The following SLC16A4 variants were observed in gnomAD, a reference collection of about 807,000 sequenced individuals.
SLC16A4 encodes the protein solute carrier family 16 member 4.
A neutral mutation model predicts 47.9 loss-of-function variants in SLC16A4; 39 were observed. The ratio of observed to expected loss-of-function variants is 0.81; its 90% confidence interval spans 0.63 to 1.06. The LOEUF is 1.06. Among genes scored for constraint, SLC16A4 ranks in the 50% least tolerant of loss-of-function variants. The pLI, the probability that SLC16A4 is intolerant of heterozygous loss-of-function variation, is 0.00. For missense variants in SLC16A4, 524 were observed against 573.8 expected, an observed-to-expected ratio of 0.91 and a Z score of 0.89; for synonymous variants, 189 against 199.9, an observed-to-expected ratio of 0.95 and a Z score of 0.46.
At chr1:110,382,432 C>G (rs1242986647) in intron 3 of SLC16A4, among the ~76,000 whole-genome samples, 1 of 151,826 alleles carries the variant, frequency 6.6e-6, no homozygotes, top group Non-Finnish European at 1.5e-5. Context: ...GCACTCCAAC[C>G]TGGGCAACAG....
intron 8 of SLC16A4, among the ~76,000 whole-genome samples, chr1:110,365,614 C>CT (rs1557899767): frequency 6.6e-5 from 10 of 152,144 alleles, no homozygotes. Flanking sequence ...CTATAGATCT[C>CT]TAAGAAATAG....
At chr1:110,386,834 C>T (rs143249964) in intron 2 of SLC16A4, among the ~76,000 whole-genome samples, 31 of 152,322 alleles carry the variant, frequency 2.0e-4, no homozygotes, top group African/African-American at 7.5e-4. Flanking sequence ...TGCTACTCCA[C>T]TGAAAACTAA....
In SLC16A4 at chr1:110,382,841, A is replaced by G. The variant is rs769794233; in HGVS notation, c.213T>C (p.Phe71=). ...WIGSIMSSLR[F]CAGPLVAIIC... is the part of the protein sequence containing the mutation. ...TTATTGCCAGCTTTATACCTGCACA[A>G]AAACGAAGAGATGACATGATGGATC... The change falls in exon 3 of 9, where the codon TTT becomes TTC. Residue 71 remains phenylalanine, a synonymous_variant. Coordinates refer to ENST00000369779, the MANE Select transcript of SLC16A4 (RefSeq NM_004696.3). 62 of 1,602,498 alleles carry G rather than the reference A, an allele frequency of 3.9e-5. 1 individual carries two copies. Among genetic ancestry groups the G allele is most frequent in the Middle Eastern group, 1.7e-4 (1 of 6,048 alleles).
In SLC16A4 at chr1:110,378,939, T is replaced by C; in HGVS notation, c.944A>G (p.Tyr315Cys). The C allele has an allele frequency of 6.2e-7, 1 of 1,614,192 alleles. No homozygotes were observed. Among genetic ancestry groups the C allele is most frequent in the Non-Finnish European group, 8.5e-7 (1 of 1,180,024 alleles). ...TWSFLLSQLA[Y>C]FIPTFHLVAR... The stretch of plus-strand genomic sequence containing the variant: ...TACCAGGTGAAAGGTAGGGATGAAG[T>C]ATGCTAACTGACTGAGGAGAAAAGA... Residue 315 changes from tyrosine to cysteine, a missense_variant, in exon 6 of 9, where the codon TAC becomes TGC. Tyr to Cys is a radical substitution (Grantham distance 194). Coordinates refer to ENST00000369779, the MANE Select transcript of SLC16A4 (RefSeq NM_004696.3).
Position 110,382,822 on chromosome 1 carries a change from C to T in SLC16A4, c.220+12G>A. ...TTCTCCTTAGACAGCAAGCTTATTGCCAGCTTTATACCTGCACAAAAACGA... is the reference window on the plus strand; with the variant it reads ...TTCTCCTTAGACAGCAAGCTTATTGTCAGCTTTATACCTGCACAAAAACGA... On this transcript the variant is annotated intron_variant, in intron 3 of 8. Coordinates refer to ENST00000369779, the MANE Select transcript of SLC16A4 (RefSeq NM_004696.3). 1.3e-6 allele frequency: 2 copies of T among 1,560,098 alleles called. No homozygotes were observed. Among genetic ancestry groups the T allele is most frequent in the Non-Finnish European group, 1.7e-6 (2 of 1,147,016 alleles).
At chr1:110,371,536 C>G (rs1446740093) in intron 8 of SLC16A4, 1 of 152,106 alleles carries the variant, frequency 6.6e-6, no homozygotes, top group African/African-American at 2.4e-5. Flanking sequence ...TTGCTTTTTG[C>G]AGGTTTACTT....
At chr1:110,364,037 C>T in intron 8 of SLC16A4, 144 bp from the exon 9 acceptor site, 1 of 717,334 alleles carries the variant, frequency 1.4e-6, no homozygotes, top group Non-Finnish European at 2.1e-6. Context: ...CTATTTTTCA[C>T]TGATGAAGTT....
intron 3 of SLC16A4, 51 bp from the exon 4 acceptor site, chr1:110,381,846 C>G (rs755589946): frequency 3.9e-6 from 6 of 1,520,932 alleles, no homozygotes; most frequent in Non-Finnish European, 5.4e-6. Flanking sequence ...ATCTGGCATC[C>G]CTTATCCTCT....
chr1:110,389,214 G>A (rs1252362694), intron 2 of SLC16A4, 23 bp downstream of exon 2: 1 of 1,584,884 alleles, frequency 6.3e-7, no homozygotes, highest in East Asian at 2.2e-5. Context: ...CAATAGGAAA[G>A]GGGGAAAAAA....
intron 1 of SLC16A4, among the ~76,000 whole-genome samples, chr1:110,390,457 GAC>G (rs1481448467): frequency 6.6e-6 from 1 of 152,122 alleles, no homozygotes; most frequent in Non-Finnish European, 1.5e-5. Context: ...AGTTGTAAAA[GAC>G]AGTTTGTGGG....
Position 110,389,346 on chromosome 1 carries a change from C to T in SLC16A4, c.-23G>A, listed in dbSNP as rs1662906444. On this transcript the variant is annotated 5_prime_UTR_variant, in exon 2 of 9. Transcript: ENST00000369779. ...CATGATGCCTCTTCTATTTTAAATG[C>T]AGAAGATCCCTGTGATAAATCCAAG... 1 of 1,527,940 alleles carries T rather than the reference C, an allele frequency of 6.5e-7. No individual in the cohort carries two copies. Among genetic ancestry groups the T allele is most frequent in the Non-Finnish European group, 9.1e-7 (1 of 1,101,612 alleles). The allele number at this position is 1,527,940 out of a possible 1,614,324, so 94.6% of individuals were successfully genotyped here. A position where few individuals can be genotyped will look rare whatever the true frequency, so the allele number is the denominator to read the frequency against.
intron 2 of SLC16A4, among the ~76,000 whole-genome samples, chr1:110,386,960 G>A (rs1662768477): frequency 6.6e-6 from 1 of 152,182 alleles, no homozygotes. Context: ...TGACCTCTCA[G>A]TAGCATCTGC....
chr1:110,363,642 AAAT>A lies in SLC16A4; in HGVS notation c.*121_*123del. 3 of 1,043,100 alleles carry A rather than the reference AAAT, an allele frequency of 2.9e-6. No homozygotes were observed. Among genetic ancestry groups the A allele is most frequent in the East Asian group, 2.8e-5 (1 of 36,356 alleles). The allele number at this position is 1,043,100 out of a possible 1,614,324, so 64.6% of individuals were successfully genotyped here. The stretch of plus-strand genomic sequence containing the variant: ...CTCCGTCTCAAAAAAAAAAAAAAAA[AAAT>A]TGTTTTCCTTCTCATGTTACAAATG... On this transcript the variant is annotated 3_prime_UTR_variant, in exon 9 of 9. Coordinates refer to ENST00000369779, the MANE Select transcript of SLC16A4 (RefSeq NM_004696.3).
At chr1:110,368,268 C>T (rs922617360) in intron 8 of SLC16A4, among the ~76,000 whole-genome samples, 1 of 152,168 alleles carries the variant, frequency 6.6e-6, no homozygotes, top group Admixed American at 6.5e-5. Context: ...TTGTGAACGT[C>T]AGAGAAAGAC....
intron 5 of SLC16A4, among the ~76,000 whole-genome samples, chr1:110,380,364 C>G (rs914124166): frequency 1.3e-5 from 2 of 152,114 alleles, no homozygotes; most frequent in Non-Finnish European, 2.9e-5. Context: ...TATGAATACA[C>G]ACATATACAT....
intron 8 of SLC16A4, among the ~76,000 whole-genome samples, chr1:110,364,886 G>A (rs1050530486): frequency 2.1e-4 from 32 of 151,774 alleles, no homozygotes; most frequent in Non-Finnish European, 4.3e-4. Context: ...AAACTTAAGC[G>A]AAACACTTTT....
rs751012273 is a variant in SLC16A4 at position 110,389,275 on chromosome 1, C to T, written c.49G>A (p.Gly17Arg). The change falls in exon 2 of 9, where the codon GGA becomes AGA. Residue 17 changes from glycine to arginine, a missense_variant. Physicochemically the swap from Gly to Arg is moderately radical, Grantham distance 125 (BLOSUM62 -2). Transcript: ENST00000369779. The part of the protein sequence containing the change: ...KVQPYTKTLD[G>R]GWGWMIVIHF... ...ATCACAATCATCCATCCCCATCCTC[C>T]ATCCAGGGTTTTAGTGTAAGGTTGG... 3.8e-5 allele frequency: 62 copies of T among 1,613,970 alleles called. No individual in the cohort carries two copies. Among genetic ancestry groups the T allele is most frequent in the Non-Finnish European group, 4.8e-5 (57 of 1,179,920 alleles).
At position 110,380,763 on chromosome 1, in the gene SLC16A4, T is replaced by C. The variant is rs543448232; in HGVS notation, c.526+219A>G. Among the ~76,000 whole-genome samples the C allele has an allele frequency of 1.7e-4, 26 of 152,340 alleles. 1 individual carries two copies. The highest frequency in any genetic ancestry group is 6.3e-4 in the African/African-American group (26 of 41,576). Reference sequence around the variant, plus strand: ...CCTATGGTGAATTCTGAGTTGCTTGTGTGAGCTGGCAAAGCCTGCAAGTAT... The same window carrying C: ...CCTATGGTGAATTCTGAGTTGCTTGCGTGAGCTGGCAAAGCCTGCAAGTAT... On this transcript the variant is annotated intron_variant, in intron 5 of 8. Transcript: ENST00000369779.
At chr1:110,365,522 G>T (rs1661334563) in intron 8 of SLC16A4, among the ~76,000 whole-genome samples, 1 of 152,148 alleles carries the variant, frequency 6.6e-6, no homozygotes, top group Admixed American at 6.5e-5. Flanking sequence ...TGTTTGATTA[G>T]TGACCTCTAT....
Sources: allele counts gnomAD v4.1 joint callset (sites outside exome capture counted in the v4.1 genomes callset), GRCh38; gene constraint gnomAD v4.1.1; transcripts MANE v1.5; gene names NCBI Gene and HGNC (gene_info 2026-07-23, HGNC 2026-07-21).